DYRK1A: variants seen among roughly 807,000 people sequenced by gnomAD.
DYRK1A encodes the protein dual specificity tyrosine phosphorylation regulated kinase 1A.
A neutral mutation model predicts 79.7 loss-of-function variants in DYRK1A; 9 were observed. The observed-to-expected ratio is 0.11, with a 90% CI of 0.07 to 0.20. The LOEUF is 0.20. Among genes scored for constraint, DYRK1A ranks in the 10% least tolerant of loss-of-function variants. The pLI is 1.00. For synonymous variants in DYRK1A, 349 were observed against 329.7 expected (o/e 1.06, Z -0.63); for missense variants, 622 against 956.0 (o/e 0.65, Z 4.61).
intron 1 of DYRK1A, among the ~76,000 whole-genome samples, chr21:37,418,417 T>G (rs957807809): frequency 6.6e-6 from 1 of 152,244 alleles, no homozygotes; most frequent in East Asian, 1.9e-4. Flanking sequence ...TTTCTAACAA[T>G]TTTTAATAAA....
chr21:37,411,507 G>A (rs980394923), intron 1 of DYRK1A, among the ~76,000 whole-genome samples: 2 of 152,162 alleles, frequency 1.3e-5, no homozygotes, highest in African/African-American at 4.8e-5. Context: ...GCAAGTCTGT[G>A]AATGAAGTCC....
At chr21:37,387,789 C>T (rs375003084) in intron 1 of DYRK1A, among the ~76,000 whole-genome samples, 2 of 152,154 alleles carry the variant, frequency 1.3e-5, no homozygotes, top group African/African-American at 4.8e-5. Flanking sequence ...AATCTGCTTT[C>T]ATTTTTAAAA....
intron 9 of DYRK1A, among the ~76,000 whole-genome samples, chr21:37,498,669 GTT>G (rs1427679344): frequency 1.3e-5 from 2 of 152,290 alleles, no homozygotes; most frequent in African/African-American, 4.8e-5. Context: ...TTATACATAT[GTT>G]TTCATCTCTC....
chr21:37,479,619 G>GTTTTTGTTTTTGTTTTT (rs2052550822), intron 4 of DYRK1A, among the ~76,000 whole-genome samples: 10 of 73,926 alleles, frequency 1.4e-4, no homozygotes, highest in East Asian at 1.3e-3. Flanking sequence ...TTTGTTTTTT[G>GTTTTTGTTTTTGTTTTT]TTTTTTTTTT....
intron 6 of DYRK1A, among the ~76,000 whole-genome samples, chr21:37,489,184 A>G (rs2052985156): frequency 6.6e-6 from 1 of 152,196 alleles, no homozygotes; most frequent in Non-Finnish European, 1.5e-5. Context: ...TATTCCAGAT[A>G]GATCTGTAGA....
chr21:37,440,022 T>C (rs1404612770), intron 2 of DYRK1A, among the ~76,000 whole-genome samples: 2 of 151,972 alleles, frequency 1.3e-5, no homozygotes, highest in Non-Finnish European at 2.9e-5. Flanking sequence ...TTATATCTTA[T>C]GTTCATGAAA....
intron 9 of DYRK1A, among the ~76,000 whole-genome samples, chr21:37,499,499 G>C (rs73400160): frequency 0.026 from 3,960 of 152,240 alleles, 169 homozygotes; most frequent in African/African-American, 0.09. Context: ...TTGCAGTTGG[G>C]ATTGCATTCA....
rs1316150139 is a variant in DYRK1A, at chr21:37,403,651, AT to A, written c.-76-16647del. Among the ~76,000 whole-genome samples, 18 of 68,936 alleles carry A rather than the reference AT, an allele frequency of 2.6e-4. 1 individual carries two copies. Among genetic ancestry groups the A allele is most frequent in the African/African-American group, 1.1e-3 (17 of 15,412 alleles). 45.2% of individuals were successfully genotyped at this position (68,936 alleles called of 152,430 possible). A position where few individuals can be genotyped will look rare whatever the true frequency, so the allele number is the denominator to read the frequency against. On this transcript the variant is annotated intron_variant, in intron 1 of 11. Coordinates refer to ENST00000647188, the MANE Select transcript of DYRK1A (RefSeq NM_001347721.2). The stretch of plus-strand genomic sequence containing the variant: ...CAGCTAATTAAAAAAAAAAAAAAAT[AT>A]ATATATATATATGTGTGTGTGTGTG...
intron 2 of DYRK1A, 34 bp from the exon 3 acceptor site, chr21:37,472,650 A>G (rs1228318224): frequency 1.3e-6 from 2 of 1,501,348 alleles, no homozygotes; most frequent in Non-Finnish European, 1.8e-6. Flanking sequence ...TAGGATATGA[A>G]TATTTCCTTT....
chr21:37,512,243 T>C lies in DYRK1A; in HGVS notation c.1977T>C (p.Ser659=). 6.2e-7 allele frequency: 1 copy of C among 1,614,204 alleles called. No homozygotes were observed. Among genetic ancestry groups the C allele is most frequent in the Non-Finnish European group, 8.5e-7 (1 of 1,180,024 alleles). Residue 659 remains serine (S), a synonymous_variant, in exon 12 of 12, where the codon TCT becomes TCC. Transcript: ENST00000647188. ...LSSSTTSSST[S]SSSTGNQGNQ... is the part of the protein sequence containing the mutation. ...CCTCAACGACTTCTTCCTCGACATC[T>C]TCCTCCTCTACTGGTAACCAAGGCA...
intron 11 of DYRK1A, among the ~76,000 whole-genome samples, chr21:37,509,924 G>T (rs756807484): frequency 2.0e-5 from 3 of 152,186 alleles, no homozygotes; most frequent in Non-Finnish European, 4.4e-5. Context: ...TGAGTAGCAC[G>T]ATGAAATCTC....
chr21:37,442,809 A>G (rs991052657), intron 2 of DYRK1A, among the ~76,000 whole-genome samples: 5 of 152,128 alleles, frequency 3.3e-5, no homozygotes, highest in Non-Finnish European at 7.4e-5. Flanking sequence ...AGATATTTGA[A>G]TACATGGAGT....
chr21:37,367,297 C>A lies in DYRK1A; in HGVS notation c.-408C>A, dbSNP rs1386902798. 1 of 150,424 alleles carries A rather than the reference C, an allele frequency of 6.6e-6. No homozygotes were observed. Among genetic ancestry groups the A allele is most frequent in the East Asian group, 2.0e-4 (1 of 5,102 alleles). The allele number at this position is 150,424 out of a possible 1,614,324, so 9.3% of individuals were successfully genotyped here. ...TACAAAATCCTCCTCGGGAAGAAGC[C>A]GCCGGCAGCAGCCGCCGCTCGGCGC... On this transcript the variant is annotated 5_prime_UTR_variant, in exon 1 of 12. Transcript: ENST00000647188.
In DYRK1A at chr21:37,520,445, T is replaced by C. The variant is rs2053926743; in HGVS notation, c.*7914T>C. 1 of 152,248 alleles carries C rather than the reference T, an allele frequency of 6.6e-6. No homozygotes were observed. Among genetic ancestry groups the C allele is most frequent in the African/African-American group, 2.4e-5 (1 of 41,460 alleles). 9.4% of individuals were successfully genotyped at this position (152,248 alleles called of 1,614,324 possible). A position where few individuals can be genotyped will look rare whatever the true frequency, so the allele number is the denominator to read the frequency against. On this transcript the variant is annotated 3_prime_UTR_variant, in exon 12 of 12. Coordinates refer to ENST00000647188, the MANE Select transcript of DYRK1A (RefSeq NM_001347721.2). ...TTCTTCTTCTTTATTCTGTTGACTT[T>C]GTTGATAATATTAGGTGACTACATC... is the stretch of plus-strand genomic sequence containing the variant.
intron 6 of DYRK1A, chr21:37,486,981 T>G (rs899879848): frequency 6.4e-6 from 1 of 156,406 alleles, no homozygotes; most frequent in South Asian, 2.0e-4. Flanking sequence ...TGAGCTAGTA[T>G]GTTCTTAGTG....
intron 2 of DYRK1A, among the ~76,000 whole-genome samples, chr21:37,468,392 C>G (rs777300497): frequency 4.4e-4 from 67 of 152,110 alleles, no homozygotes; most frequent in African/African-American, 3.4e-4. Flanking sequence ...CAGGCATGAG[C>G]CCCTGCGCCT....
chr21:37,400,910 T>C (rs922505305), intron 1 of DYRK1A, among the ~76,000 whole-genome samples: 2 of 152,132 alleles, frequency 1.3e-5, no homozygotes, highest in Non-Finnish European at 2.9e-5. Context: ...TTTGGGAGGC[T>C]GAGGTGGGCG....
chr21:37,425,272 A>G (rs1464585039), intron 2 of DYRK1A, among the ~76,000 whole-genome samples: 1 of 152,154 alleles, frequency 6.6e-6, no homozygotes, highest in African/African-American at 2.4e-5. Flanking sequence ...AAAAAGAATA[A>G]TTTTTGGCAT....
At chr21:37,497,669 A>G (rs997632772) in intron 9 of DYRK1A, among the ~76,000 whole-genome samples, 13 of 152,152 alleles carry the variant, frequency 8.5e-5, no homozygotes, top group Admixed American at 7.2e-4. Flanking sequence ...TTTTTCCTCA[A>G]TAAAACATCC....
Sources: gnomAD v4.1 joint callset for allele counts (sites outside exome capture counted in the v4.1 genomes callset) on GRCh38, gnomAD v4.1.1 for gene constraint, MANE v1.5 for transcripts, NCBI Gene and HGNC (gene_info 2026-07-23, HGNC 2026-07-21) for gene names.